The following NEDD4L variants were observed in gnomAD, a reference collection of about 807,000 sequenced individuals.
NEDD4L encodes NEDD4 like E3 ubiquitin protein ligase.
In NEDD4L, 54 loss-of-function variants were observed where a neutral mutation model predicts 148.9. That is an observed-to-expected ratio of 0.36 (90% CI 0.29 to 0.45). The LOEUF is 0.45. NEDD4L is among the 20% of genes least tolerant of loss of function. NEDD4L has a pLI of 1.00. For synonymous variants in NEDD4L, 433 were observed against 440.7 expected, an observed-to-expected ratio of 0.98 and a Z score of 0.22; for missense variants, 856 against 1,233.8, an observed-to-expected ratio of 0.69 and a Z score of 4.59.
chr18:58,229,201 G>A (rs377296242), intron 2 of NEDD4L, among the ~76,000 whole-genome samples: 17 of 152,248 alleles, frequency 1.1e-4, no homozygotes, highest in Non-Finnish European at 2.4e-4. Flanking sequence ...AATGTCATTA[G>A]CAATTCATTA....
At chr18:58,233,692 A>G (rs910361102) in intron 2 of NEDD4L, among the ~76,000 whole-genome samples, 3 of 152,230 alleles carry the variant, frequency 2.0e-5, no homozygotes, top group African/African-American at 7.2e-5. Context: ...GGTTGGCTTT[A>G]ATGGAGTATT....
At chr18:58,315,788 G>C (rs1023815203) in intron 5 of NEDD4L, among the ~76,000 whole-genome samples, 194 bp from the exon 6 acceptor site, 24 of 152,196 alleles carry the variant, frequency 1.6e-4, no homozygotes, top group African/African-American at 5.5e-4. Context: ...CAGAATCTCA[G>C]CCAGCTCAGT....
chr18:58,316,636 G>A (rs1432415491), intron 6 of NEDD4L, among the ~76,000 whole-genome samples: 2 of 152,212 alleles, frequency 1.3e-5, no homozygotes, highest in Non-Finnish European at 1.5e-5. Context: ...TCAAAGTAGC[G>A]GAGCAGTCGA....
intron 5 of NEDD4L, among the ~76,000 whole-genome samples, chr18:58,309,099 A>G (rs1350452134): frequency 6.6e-6 from 1 of 152,078 alleles, no homozygotes; most frequent in Non-Finnish European, 1.5e-5. Context: ...TAATGTCCTC[A>G]TGTGTCTTCA....
At chr18:58,054,775 A>G (rs1427672729) in intron 1 of NEDD4L, 1 of 152,252 alleles carries the variant, frequency 6.6e-6, no homozygotes. Flanking sequence ...ACCAGAAGAT[A>G]AATGAATGTG....
rs868277408 is a variant in NEDD4L at position 58,082,098 on chromosome 18, A to T, written c.48+37390A>T. ...CTGATGAATATATATATATATATAT[A>T]TATATTTTTTTTTTTTTTTTTTTCT... On this transcript the variant is annotated intron_variant, in intron 1 of 30. Coordinates refer to ENST00000400345, the MANE Select transcript of NEDD4L (RefSeq NM_001144967.3). 8.4e-3 allele frequency among the ~76,000 whole-genome samples: 617 copies of T among 73,138 alleles called. 6 individuals carry two copies. The highest frequency in any genetic ancestry group is 0.051 in the African/African-American group (534 of 10,468). 48.0% of individuals were successfully genotyped at this position (73,138 alleles called of 152,430 possible).
intron 1 of NEDD4L, among the ~76,000 whole-genome samples, chr18:58,074,145 A>C (rs914604988): frequency 6.6e-6 from 1 of 152,052 alleles, no homozygotes; most frequent in African/African-American, 2.4e-5. Flanking sequence ...GTAGGGCCAC[A>C]CTCATCTAAC....
At chr18:58,077,643 T>G (rs1805450329) in intron 1 of NEDD4L, among the ~76,000 whole-genome samples, 1 of 152,198 alleles carries the variant, frequency 6.6e-6, no homozygotes, top group Admixed American at 6.5e-5. Flanking sequence ...ATCAGTACTT[T>G]GAAAAGCTCC....
intron 1 of NEDD4L, among the ~76,000 whole-genome samples, chr18:58,084,439 G>A (rs1323009989): frequency 6.6e-6 from 1 of 152,192 alleles, no homozygotes; most frequent in African/African-American, 2.4e-5. Context: ...AATTGGATGA[G>A]GTTTAGCATT....
At chr18:58,254,177 C>G (rs1283772047) in intron 5 of NEDD4L, among the ~76,000 whole-genome samples, 1 of 152,184 alleles carries the variant, frequency 6.6e-6, no homozygotes, top group African/African-American at 2.4e-5. Flanking sequence ...TAATCCACCA[C>G]ACTCTGGATG....
intron 1 of NEDD4L, among the ~76,000 whole-genome samples, chr18:58,076,334 C>T (rs1359688472): frequency 6.6e-6 from 1 of 152,112 alleles, no homozygotes; most frequent in Admixed American, 6.6e-5. Flanking sequence ...ATTCGTAATA[C>T]ATAATAGAAC....
Position 58,400,285 on chromosome 18 carries a change from C to G in NEDD4L, c.*4016C>G, listed in dbSNP as rs889330963. On this transcript the variant is annotated 3_prime_UTR_variant, in exon 31 of 31. Transcript: ENST00000400345. The stretch of plus-strand genomic sequence containing the variant: ...TGGGGTACATCCTGATAAGTCGTGT[C>G]AGAACTGCCAATTTCAGGACTGAGA... 1 of 152,196 alleles carries G rather than the reference C, an allele frequency of 6.6e-6. No individual in the cohort carries two copies. The highest frequency in any genetic ancestry group is 2.1e-4 in the South Asian group (1 of 4,814). 9.4% of individuals were successfully genotyped at this position (152,196 alleles called of 1,614,324 possible). A position where few individuals can be genotyped will look rare whatever the true frequency, so the allele number is the denominator to read the frequency against.
intron 1 of NEDD4L, among the ~76,000 whole-genome samples, chr18:58,094,900 TAAA>T (rs1555689599): frequency 7.7e-6 from 1 of 129,486 alleles, no homozygotes; most frequent in Non-Finnish European, 1.7e-5. Flanking sequence ...AAAGAGCACT[TAAA>T]AAAAAAAAAA....
At chr18:58,301,466 G>A (rs11663227) in intron 5 of NEDD4L, among the ~76,000 whole-genome samples, 12,931 of 152,226 alleles carry the variant, frequency 0.085, 604 homozygotes, top group Middle Eastern at 0.11. Context: ...TTTCCAGGGA[G>A]GTACCCTGTA....
intron 2 of NEDD4L, among the ~76,000 whole-genome samples, chr18:58,200,006 CAAA>C (rs935144519): frequency 2.6e-5 from 4 of 152,062 alleles, no homozygotes; most frequent in African/African-American, 9.7e-5. Context: ...AAGTCTGAAA[CAAA>C]AAAGTTTATT....
chr18:58,144,700 A>G (rs1325123904), intron 1 of NEDD4L, among the ~76,000 whole-genome samples: 2 of 152,168 alleles, frequency 1.3e-5, no homozygotes, highest in Non-Finnish European at 2.9e-5. Context: ...ATAAGGAACA[A>G]AATAAAAATT....
At chr18:58,296,750 T>C (rs182630835) in intron 5 of NEDD4L, among the ~76,000 whole-genome samples, 134 of 152,144 alleles carry the variant, frequency 8.8e-4, no homozygotes, top group Middle Eastern at 3.4e-3. Context: ...GGTGAAACCC[T>C]GTCTCTACTA....
At chr18:58,194,898 C>T (rs941208435) in intron 2 of NEDD4L, among the ~76,000 whole-genome samples, 6 of 152,058 alleles carry the variant, frequency 3.9e-5, no homozygotes, top group Non-Finnish European at 7.4e-5. Context: ...AAAAGCAGCA[C>T]GTGAAAGAGG....
At chr18:58,307,229 C>T (rs1049451639) in intron 5 of NEDD4L, among the ~76,000 whole-genome samples, 1 of 152,122 alleles carries the variant, frequency 6.6e-6, no homozygotes, top group Non-Finnish European at 1.5e-5. Flanking sequence ...CCATTTGCAG[C>T]AGGGAGGAGC....
Sources: allele counts gnomAD v4.1 joint callset (sites outside exome capture counted in the v4.1 genomes callset), GRCh38; gene constraint gnomAD v4.1.1; transcripts MANE v1.5; gene names NCBI Gene and HGNC (gene_info 2026-07-23, HGNC 2026-07-21).